The following ZMYND12 variants were observed in gnomAD, a reference collection of about 807,000 sequenced individuals.
ZMYND12 encodes zinc finger MYND-type containing 12.
In ZMYND12, 32 loss-of-function variants were observed where a neutral mutation model predicts 41.7. The observed-to-expected ratio is 0.77, with a 90% confidence interval of 0.58 to 1.03. The LOEUF is 1.03. Ranked by LOEUF, ZMYND12 falls within the 50% of genes least tolerant of loss-of-function variation. The pLI, the probability that ZMYND12 is intolerant of heterozygous loss-of-function variation, is 0.00. For synonymous variants in ZMYND12, 148 were observed against 164.8 expected (o/e 0.90, Z 0.78); for missense variants, 424 against 438.5 (o/e 0.97, Z 0.30).
At chr1:42,451,894 G>A (rs1643086649) in intron 1 of ZMYND12, among the ~76,000 whole-genome samples, 1 of 152,122 alleles carries the variant, frequency 6.6e-6, no homozygotes, top group Admixed American at 6.5e-5. Flanking sequence ...TCTAAATAAA[G>A]TGAGCTTTAT....
In ZMYND12 at chr1:42,448,531, C is replaced by G. The variant is rs2148409641; in HGVS notation, c.360G>C (p.Lys120Asn). ...GCTCTACGGAGCTCAGGCCATACAG[C>G]TTCACACGGAAGCGAAGGGACTGCA... ...AALQSLRFRV[K>N]LYGLSSVELV... The change falls in exon 3 of 8, where the codon AAG becomes AAC. Residue 120 changes from lysine to asparagine, a missense_variant. Coordinates refer to ENST00000372565, the MANE Select transcript of ZMYND12 (RefSeq NM_032257.5). 1 of 1,613,866 alleles carries G rather than the reference C, an allele frequency of 6.2e-7. No homozygotes were observed. Among genetic ancestry groups the G allele is most frequent in the Non-Finnish European group, 8.5e-7 (1 of 1,179,858 alleles).
intron 4 of ZMYND12, among the ~76,000 whole-genome samples, chr1:42,437,006 A>C (rs943466728): frequency 1.3e-5 from 2 of 152,184 alleles, no homozygotes; most frequent in African/African-American, 4.8e-5. Context: ...TTATATCAGC[A>C]TTATTTAAAA....
At chr1:42,435,192 C>G in intron 6 of ZMYND12, 82 bp downstream of exon 6, 2 of 1,089,448 alleles carry the variant, frequency 1.8e-6, no homozygotes, top group East Asian at 4.8e-5. Flanking sequence ...ACAGGGACAG[C>G]TGCTTTCCCT....
chr1:42,449,975 G>A lies in ZMYND12; in HGVS notation c.195C>T (p.Pro65=). 1 of 1,613,802 alleles carries A rather than the reference G, an allele frequency of 6.2e-7. No individual in the cohort carries two copies. Among genetic ancestry groups the A allele is most frequent in the African/African-American group, 1.3e-5 (1 of 75,040 alleles). ...QLLIPLRTSM[P]FYNSEEERQH... ...GCCGTTCTTCCTCTGAATTGTAGAA[G>A]GGCATGGAAGTGCGCAGTGGAATCA... Residue 65 remains proline, a synonymous_variant, in exon 2 of 8, where the codon CCC becomes CCT. Coordinates refer to ENST00000372565, the MANE Select transcript of ZMYND12 (RefSeq NM_032257.5).
Position 42,433,172 on chromosome 1 carries a change from A to C in ZMYND12, c.946T>G (p.Phe316Val), listed in dbSNP as rs1034268. 5 of 1,609,838 alleles carry C rather than the reference A, an allele frequency of 3.1e-6. No homozygotes were observed. The highest frequency in any genetic ancestry group is 4.2e-6 in the Non-Finnish European group (5 of 1,178,404). ...TIFVLKILVMFYYLMMNSSKA... is the reference protein window; with the variant it reads ...TIFVLKILVMVYYLMMNSSKA... ...GAAGAATTCATCATCAGGTAGTAAA[A>C]CATGACCAGGATCTTCAGAACAAAG... The change falls in exon 7 of 8, where the codon TTT becomes GTT. Residue 316 changes from phenylalanine to valine, a missense_variant. By Grantham distance (50) the Phe-to-Val change is conservative. Transcript: ENST00000372565.
chr1:42,454,069 GA>G (rs1316534873), intron 1 of ZMYND12, among the ~76,000 whole-genome samples: 1 of 152,190 alleles, frequency 6.6e-6, no homozygotes, highest in Non-Finnish European at 1.5e-5. Flanking sequence ...ACTGAAGGAT[GA>G]AAGGGAGCCA....
At chr1:42,450,436 AC>A (rs1204413998) in intron 1 of ZMYND12, among the ~76,000 whole-genome samples, 1 of 152,168 alleles carries the variant, frequency 6.6e-6, no homozygotes, top group Non-Finnish European at 1.5e-5. Context: ...AGGCCAGTCA[AC>A]CTAGCTAAAG....
intron 3 of ZMYND12, among the ~76,000 whole-genome samples, chr1:42,446,887 A>G (rs1159477868): frequency 6.6e-6 from 1 of 152,172 alleles, no homozygotes; most frequent in Admixed American, 6.5e-5. Context: ...TCAAGTGAGC[A>G]AAGAACAAAT....
chr1:42,448,503 C>A lies in ZMYND12; in HGVS notation c.388G>T (p.Val130Leu), dbSNP rs761563439. ...TCGGCCAACAGCAGGTAAGCAGGCACAAGCTCTACGGAGCTCAGGCCATAC... is the reference window on the plus strand; with the variant it reads ...TCGGCCAACAGCAGGTAAGCAGGCAAAAGCTCTACGGAGCTCAGGCCATAC... ...KLYGLSSVEL[V>L]PAYLLLAEAS... The change falls in exon 3 of 8, where the codon GTG becomes TTG. Residue 130 changes from valine (V) to leucine (L), a missense_variant. By Grantham distance (32) the Val-to-Leu change is conservative. Coordinates refer to ENST00000372565, the MANE Select transcript of ZMYND12 (RefSeq NM_032257.5). 6.2e-7 allele frequency: 1 copy of A among 1,607,364 alleles called. No homozygotes were observed. The highest frequency in any genetic ancestry group is 1.3e-5 in the African/African-American group (1 of 74,636).
At chr1:42,431,040 TG>T (rs1642843467) in intron 7 of ZMYND12, among the ~76,000 whole-genome samples, 182 bp from the exon 8 acceptor site, 1 of 152,212 alleles carries the variant, frequency 6.6e-6, no homozygotes, top group African/African-American at 2.4e-5. Flanking sequence ...ACATGTGCGC[TG>T]GGCAGGGCAC....
At chr1:42,436,568 T>G (rs765429108) in intron 4 of ZMYND12, 25 bp from the exon 5 acceptor site, 1 of 1,610,436 alleles carries the variant, frequency 6.2e-7, no homozygotes, top group African/African-American at 1.3e-5. Flanking sequence ...AGAAGGAGAG[T>G]GCTTGAGTTC....
chr1:42,434,286 C>T (rs931278216), intron 6 of ZMYND12, among the ~76,000 whole-genome samples: 4 of 152,252 alleles, frequency 2.6e-5, no homozygotes, highest in Admixed American at 1.3e-4. Flanking sequence ...TTTGCTGGCC[C>T]GGGGAATACA....
chr1:42,448,611 T>C lies in ZMYND12; in HGVS notation c.280A>G (p.Ile94Val), dbSNP rs768903659. 1.2e-6 allele frequency: 2 copies of C among 1,613,024 alleles called. No individual in the cohort carries two copies. The highest frequency in any genetic ancestry group is 1.7e-6 in the Non-Finnish European group (2 of 1,179,532). Residue 94 changes from isoleucine (I) to valine (V), a missense_variant, in exon 3 of 8, where the codon ATA becomes GTA. Transcript: ENST00000372565. Reference protein sequence around the residue: ...QKYLIEFCYTIAQKYLFEGKH... With the variant: ...QKYLIEFCYTVAQKYLFEGKH... The stretch of plus-strand genomic sequence containing the variant: ...CCTTCAAAGAGGTATTTCTGGGCTA[T>C]GGTGTAGCAGAATTCAATCAAATAC...
At chr1:42,444,203 C>T (rs1297870188) in intron 3 of ZMYND12, among the ~76,000 whole-genome samples, 1 of 152,124 alleles carries the variant, frequency 6.6e-6, no homozygotes, top group East Asian at 1.9e-4. Context: ...AAGCCAGCCA[C>T]GTATGAGAGA....
chr1:42,435,504 T>A, intron 5 of ZMYND12, 119 bp from the exon 6 acceptor site: 1 of 742,548 alleles, frequency 1.3e-6, no homozygotes, highest in East Asian at 2.7e-5. Flanking sequence ...TTCTCTCTCT[T>A]ACTGTGCCTG....
intron 3 of ZMYND12, among the ~76,000 whole-genome samples, chr1:42,446,450 G>A (rs1643024951): frequency 1.3e-5 from 2 of 152,000 alleles, no homozygotes; most frequent in African/African-American, 2.4e-5. Context: ...TTGAGGACAG[G>A]AGTTCAAGAT....
At chr1:42,443,861 T>C (rs1557769153) in intron 3 of ZMYND12, among the ~76,000 whole-genome samples, 1 of 152,106 alleles carries the variant, frequency 6.6e-6, no homozygotes. Flanking sequence ...TCAAGTGAAG[T>C]AGGCATACAA....
chr1:42,454,692 A>G (rs1481624890), intron 1 of ZMYND12, among the ~76,000 whole-genome samples: 1 of 146,696 alleles, frequency 6.8e-6, no homozygotes, highest in Non-Finnish European at 1.5e-5. Context: ...ACCTATCACA[A>G]TGATGTTCCA....
Position 42,435,269 on chromosome 1 carries a change from C to T in ZMYND12, c.829+5G>A. On this transcript the variant is annotated splice_donor_5th_base_variant and intron_variant, in intron 6 of 7. Coordinates refer to ENST00000372565, the MANE Select transcript of ZMYND12 (RefSeq NM_032257.5). ...GCTCTCCCTTCAGGGAAAACTGCCACTTACCCAAGCCAGTGTCATTCTCAA... is the reference window on the plus strand; with the variant it reads ...GCTCTCCCTTCAGGGAAAACTGCCATTTACCCAAGCCAGTGTCATTCTCAA... 1 of 1,610,178 alleles carries T rather than the reference C, an allele frequency of 6.2e-7. No homozygotes were observed. The highest frequency in any genetic ancestry group is 1.1e-5 in the South Asian group (1 of 90,990).
Sources: gnomAD v4.1 joint callset for allele counts (sites outside exome capture counted in the v4.1 genomes callset) on GRCh38, gnomAD v4.1.1 for gene constraint, MANE v1.5 for transcripts, NCBI Gene and HGNC (gene_info 2026-07-23, HGNC 2026-07-21) for gene names.